Variants in LINS1 observed in about 807,000 individuals in gnomAD.
The protein encoded by LINS1 is lines homolog 1.
LINS1 carries 27 observed loss-of-function variants against 41.6 expected under a neutral mutation model. That is an observed-to-expected ratio of 0.65 (90% CI 0.48 to 0.89). LINS1 has a LOEUF of 0.89. Ranked by LOEUF, LINS1 falls within the 40% of genes least tolerant of loss-of-function variation. The pLI is 0.00. For synonymous variants in LINS1, 336 were observed against 312.9 expected, an observed-to-expected ratio of 1.07 and a Z score of -0.78; for missense variants, 955 against 884.1, an observed-to-expected ratio of 1.08 and a Z score of -1.02.
At chr15:100,596,722 C>T (rs1237122661) in intron 1 of LINS1, among the ~76,000 whole-genome samples, 7 of 152,148 alleles carry the variant, frequency 4.6e-5, no homozygotes, top group Non-Finnish European at 1.0e-4. Flanking sequence ...AGGTGAATGC[C>T]GGCAGCTGTG....
intron 6 of LINS1, among the ~76,000 whole-genome samples, chr15:100,571,524 C>T (rs2037823302): frequency 6.6e-6 from 1 of 152,126 alleles, no homozygotes; most frequent in South Asian, 2.1e-4. Context: ...TTGTATTCAC[C>T]TTTACAAAGG....
At chr15:100,579,282 C>T (rs1448052845) in intron 3 of LINS1, among the ~76,000 whole-genome samples, 1 of 151,594 alleles carries the variant, frequency 6.6e-6, no homozygotes, top group Non-Finnish European at 1.5e-5. Context: ...TTGATGTTCA[C>T]TTCAAAATCT....
rs952156487 is a variant in LINS1 at position 100,572,740 on chromosome 15, T to A, written c.1223-675A>T. The A allele has an allele frequency of 7.1e-6, 7 of 984,380 alleles. No individual in the cohort carries two copies. The African/African-American group carries it at 1.2e-4, about 17-fold the overall frequency. 61.0% of individuals were successfully genotyped at this position (984,380 alleles called of 1,614,324 possible). A position where few individuals can be genotyped will look rare whatever the true frequency, so the allele number is the denominator to read the frequency against. On this transcript the variant is annotated intron_variant, in intron 5 of 6. Coordinates refer to ENST00000314742, the MANE Select transcript of LINS1 (RefSeq NM_001040616.3). ...GCTGCCTGTTTAGAGACATTTACTA[T>A]TCATTTTTCTCAAGTAAAATGGAAG... is the stretch of plus-strand genomic sequence containing the variant.
chr15:100,593,213 T>C (rs1424088008), intron 1 of LINS1, among the ~76,000 whole-genome samples: 6 of 152,198 alleles, frequency 3.9e-5, no homozygotes, highest in Non-Finnish European at 1.5e-5. Context: ...ACGATTTCTC[T>C]AGCCTGGAAA....
At position 100,573,637 on chromosome 15, in the gene LINS1, G is replaced by T; in HGVS notation, c.1222+14C>A. Reference sequence around the variant, plus strand: ...TAATTACACACTGCATACAAAAGGAGTTTGGAGAATTACCTTTCACTTCAC... The same window carrying T: ...TAATTACACACTGCATACAAAAGGATTTTGGAGAATTACCTTTCACTTCAC... On this transcript the variant is annotated intron_variant, in intron 5 of 6. Transcript: ENST00000314742. 2 of 1,473,192 alleles carry T rather than the reference G, an allele frequency of 1.4e-6. No homozygotes were observed. The highest frequency in any genetic ancestry group is 9.5e-7 in the Non-Finnish European group (1 of 1,054,494). The allele number at this position is 1,473,192 out of a possible 1,614,324, so 91.3% of individuals were successfully genotyped here. A position where few individuals can be genotyped will look rare whatever the true frequency, so the allele number is the denominator to read the frequency against.
chr15:100,572,057 G>C lies in LINS1; in HGVS notation c.1231C>G (p.Gln411Glu). 6.2e-7 allele frequency: 1 copy of C among 1,614,146 alleles called. No individual in the cohort carries two copies. The highest frequency in any genetic ancestry group is 8.5e-7 in the Non-Finnish European group (1 of 1,179,994). Residue 411 changes from glutamine (Q) to glutamate (E), a missense_variant, in exon 6 of 7, where the codon CAG becomes GAG. Coordinates refer to ENST00000314742, the MANE Select transcript of LINS1 (RefSeq NM_001040616.3). Reference sequence around the variant, plus strand: ...GTCAGTAACTCAGACATGAACCTCTGTAAGTCAACTTCAAAAAATGAAAAT... The same window carrying C: ...GTCAGTAACTCAGACATGAACCTCTCTAAGTCAACTTCAAAAAATGAAAAT... Reference protein sequence around the residue: ...SSASEVKVDLQRFMSELLTFL... With the variant: ...SSASEVKVDLERFMSELLTFL...
intron 1 of LINS1, among the ~76,000 whole-genome samples, chr15:100,587,182 A>AAAAAAAAAAAAG (rs1555434011): frequency 2.4e-5 from 3 of 124,374 alleles, no homozygotes; most frequent in Non-Finnish European, 5.0e-5. Context: ...AAAAAAAAAA[A>AAAAAAAAAAAAG]CATTAGCAGT....
intron 1 of LINS1, 41 bp from the exon 2 acceptor site, chr15:100,580,986 T>G: frequency 4.3e-6 from 3 of 704,456 alleles, no homozygotes; most frequent in Non-Finnish European, 6.9e-6. Flanking sequence ...AACTGCTATA[T>G]GCTTATTACA....
At chr15:100,594,161 A>T (rs138262163) in intron 1 of LINS1, among the ~76,000 whole-genome samples, 2,377 of 152,342 alleles carry the variant, frequency 0.016, 38 homozygotes, top group Non-Finnish European at 0.022. Flanking sequence ...AATGTAAGTG[A>T]TGTGTAAATA....
intron 1 of LINS1, among the ~76,000 whole-genome samples, chr15:100,599,719 A>G (rs561076608): frequency 1.3e-5 from 2 of 152,306 alleles, no homozygotes; most frequent in East Asian, 3.9e-4. Flanking sequence ...TTGACTCTAT[A>G]ATTAGTAAAT....
At chr15:100,593,155 G>C (rs1394376369) in intron 1 of LINS1, among the ~76,000 whole-genome samples, 1 of 152,082 alleles carries the variant, frequency 6.6e-6, no homozygotes, top group Non-Finnish European at 1.5e-5. Flanking sequence ...TCTGACGGAG[G>C]GTGCACAGGA....
chr15:100,601,048 C>T (rs2039469214), intron 1 of LINS1, among the ~76,000 whole-genome samples: 1 of 152,200 alleles, frequency 6.6e-6, no homozygotes. Flanking sequence ...CTGTAAACAG[C>T]AAAGCATATT....
intron 6 of LINS1, 102 bp downstream of exon 6, chr15:100,571,792 C>T (rs575276182): frequency 5.3e-5 from 72 of 1,367,472 alleles, no homozygotes; most frequent in Non-Finnish European, 7.2e-5. Flanking sequence ...GATGTTTTCC[C>T]CCAAATGATG....
chr15:100,589,402 T>C (rs1335087140), intron 1 of LINS1, among the ~76,000 whole-genome samples: 1 of 152,212 alleles, frequency 6.6e-6, no homozygotes, highest in Non-Finnish European at 1.5e-5. Context: ...GATACATATT[T>C]TGAATGAACT....
Position 100,580,901 on chromosome 15 carries a change from AT to A in LINS1, c.-60del. ...GACAACTCCAAGTTGTAAACATTAAATCTCAGAAGTGCAATGAATCTCTAAG... is the reference window on the plus strand; with the variant it reads ...GACAACTCCAAGTTGTAAACATTAAACTCAGAAGTGCAATGAATCTCTAAG... On this transcript the variant is annotated 5_prime_UTR_variant, in exon 2 of 7. Transcript: ENST00000314742. 1 of 1,473,728 alleles carries A rather than the reference AT, an allele frequency of 6.8e-7. No homozygotes were observed. Among genetic ancestry groups the A allele is most frequent in the South Asian group, 1.2e-5 (1 of 82,994 alleles). The allele number at this position is 1,473,728 out of a possible 1,614,324, so 91.3% of individuals were successfully genotyped here.
At chr15:100,586,892 T>C (rs138296444) in intron 1 of LINS1, among the ~76,000 whole-genome samples, 1,576 of 152,224 alleles carry the variant, frequency 0.01, 33 homozygotes, top group African/African-American at 0.036. Flanking sequence ...CCGGGTGCGG[T>C]GGCTCATGCC....
chr15:100,589,554 T>C (rs966191155), intron 1 of LINS1, among the ~76,000 whole-genome samples: 1 of 152,244 alleles, frequency 6.6e-6, no homozygotes, highest in African/African-American at 2.4e-5. Context: ...GTTGGTCACC[T>C]TGTCCTTTCT....
chr15:100,591,047 C>T (rs755810362), intron 1 of LINS1, among the ~76,000 whole-genome samples: 1 of 152,100 alleles, frequency 6.6e-6, no homozygotes, highest in African/African-American at 2.4e-5. Flanking sequence ...CATGGTGGCA[C>T]ATGCCTGTAA....
At chr15:100,572,577 A>T (rs767904193) in intron 5 of LINS1, 2 of 999,846 alleles carry the variant, frequency 2.0e-6, no homozygotes, top group African/African-American at 3.5e-5. Context: ...ACTGAATTAT[A>T]TAACAGGTGC....
Sources: gnomAD v4.1 joint callset for allele counts (sites outside exome capture counted in the v4.1 genomes callset) on GRCh38, gnomAD v4.1.1 for gene constraint, MANE v1.5 for transcripts, NCBI Gene and HGNC (gene_info 2026-07-23, HGNC 2026-07-21) for gene names.